RNF166: variants seen among roughly 807,000 people sequenced by gnomAD.
RNF166 encodes the protein E3 ubiquitin-protein ligase RNF166.
A neutral mutation model predicts 29.4 loss-of-function variants in RNF166; 19 were observed. The ratio of observed to expected loss-of-function variants is 0.65; its 90% CI spans 0.45 to 0.95. The LOEUF is 0.95. Among genes scored for constraint, RNF166 ranks in the 40% least tolerant of loss-of-function variants. The probability of loss-of-function intolerance (pLI) is 0.00; values close to 1 mark genes in which losing one functional copy is unlikely to be tolerated. For synonymous variants in RNF166, 171 were observed against 134.5 expected (o/e 1.27, Z -1.88); for missense variants, 347 against 322.1 (o/e 1.08, Z -0.59).
chr16:88,704,289 A>G, intron 1 of RNF166: 1 of 985,470 alleles, frequency 1.0e-6, no homozygotes, highest in African/African-American at 1.7e-5. Context: ...ACAGCCAGAA[A>G]ACAAAAGCCA....
At chr16:88,704,473 G>A in intron 1 of RNF166, 2 of 985,372 alleles carry the variant, frequency 2.0e-6, no homozygotes, top group Non-Finnish European at 2.4e-6. Flanking sequence ...CTGTGTTATG[G>A]AAACTACATT....
chr16:88,697,709 C>T (rs1021763192), intron 5 of RNF166, 76 bp from the exon 6 acceptor site: 2 of 1,075,770 alleles, frequency 1.9e-6, no homozygotes, highest in South Asian at 1.4e-5. Flanking sequence ...ATCACCCACA[C>T]AGGCGTGTCC....
Position 88,699,103 on chromosome 16 carries a change from G to T in RNF166, c.426-18C>A, listed in dbSNP as rs374108814. ...GGATGTTGCTGGCGGGGCGGGGGTAGAGTGAGTGGCACGGCTAGGTGTCTA... is the reference window on the plus strand; with the variant it reads ...GGATGTTGCTGGCGGGGCGGGGGTATAGTGAGTGGCACGGCTAGGTGTCTA... On this transcript the variant is annotated intron_variant, in intron 3 of 5. Transcript: ENST00000312838. 1.0e-5 allele frequency: 16 copies of T among 1,537,446 alleles called. No individual in the cohort carries two copies. The highest frequency in any genetic ancestry group is 1.4e-5 in the African/African-American group (1 of 73,706).
intron 5 of RNF166, 98 bp from the exon 6 acceptor site, chr16:88,697,731 C>A: frequency 1.1e-6 from 1 of 870,510 alleles, no homozygotes; most frequent in Non-Finnish European, 1.9e-6. Context: ...CCCTTCCTGC[C>A]TCCCTCCAGC....
intron 1 of RNF166, among the ~76,000 whole-genome samples, chr16:88,704,663 A>C (rs1256427648): frequency 6.6e-6 from 1 of 152,024 alleles, no homozygotes; most frequent in Non-Finnish European, 1.5e-5. Flanking sequence ...GAAGGTGCGG[A>C]ACACACCTTC....
intron 1 of RNF166, among the ~76,000 whole-genome samples, chr16:88,704,961 G>C (rs758725595): frequency 7.9e-5 from 12 of 152,248 alleles, no homozygotes; most frequent in Non-Finnish European, 1.6e-4. Context: ...CTGCACTCCA[G>C]GCTGGGTGAC....
At chr16:88,702,773 C>T in intron 1 of RNF166, 1 of 985,476 alleles carries the variant, frequency 1.0e-6, no homozygotes, top group Non-Finnish European at 1.2e-6. Context: ...CTTTACCCAC[C>T]TCACCCGAGT....
chr16:88,704,463 CTG>C (rs1360880919), intron 1 of RNF166: 3 of 985,250 alleles, frequency 3.0e-6, no homozygotes, highest in African/African-American at 1.7e-5. Context: ...GTTCTGCATT[CTG>C]TGTTATGGAA....
chr16:88,700,485 A>G, intron 2 of RNF166: 3 of 500,436 alleles, frequency 6.0e-6, no homozygotes, highest in Non-Finnish European at 5.2e-6. Flanking sequence ...TCTGGAGTCC[A>G]GGGCAGCCCC....
chr16:88,698,773 G>C (rs942586061), intron 4 of RNF166, among the ~76,000 whole-genome samples, 164 bp from the exon 5 acceptor site: 9 of 151,992 alleles, frequency 5.9e-5, no homozygotes, highest in African/African-American at 2.2e-4. Context: ...TATTCAGTGC[G>C]CGTCACCCTG....
intron 1 of RNF166, chr16:88,702,859 C>T: frequency 2.0e-6 from 2 of 985,514 alleles, no homozygotes; most frequent in African/African-American, 1.7e-5. Context: ...GGGGGGGCCG[C>T]CTACTTCACC....
At chr16:88,702,987 G>C (rs566641974) in intron 1 of RNF166, 1 of 985,576 alleles carries the variant, frequency 1.0e-6, no homozygotes. Flanking sequence ...GTCGGTAAAC[G>C]GATGAAGAGA....
At chr16:88,703,457 G>A (rs1482570656) in intron 1 of RNF166, 1 of 985,502 alleles carries the variant, frequency 1.0e-6, no homozygotes, top group Non-Finnish European at 1.2e-6. Context: ...GTCCTCCCCG[G>A]AAGGACTCAG....
chr16:88,704,302 A>C, intron 1 of RNF166: 1 of 985,476 alleles, frequency 1.0e-6, no homozygotes, highest in South Asian at 4.7e-5. Flanking sequence ...AAAAGCCAGC[A>C]GGAAAAGTCG....
rs1367415876 is a variant in RNF166, at chr16:88,706,340, C to G, written c.-15G>C. On this transcript the variant is annotated 5_prime_UTR_variant, in exon 1 of 6. Transcript: ENST00000312838. The stretch of plus-strand genomic sequence containing the variant: ...AACATAGCCATCCCGGGGCCAGGCC[C>G]GCGCCGCCCGCCGCCCGCTGTCCTG... 1.2e-5 allele frequency: 14 copies of G among 1,210,004 alleles called. No individual in the cohort carries two copies. The East Asian group carries it at 1.4e-4, about 12-fold the overall frequency. 75.0% of individuals were successfully genotyped at this position (1,210,004 alleles called of 1,614,324 possible). A position where few individuals can be genotyped will look rare whatever the true frequency, so the allele number is the denominator to read the frequency against.
chr16:88,699,431 C>T (rs1255622561), intron 3 of RNF166, among the ~76,000 whole-genome samples, 189 bp downstream of exon 3: 1 of 152,352 alleles, frequency 6.6e-6, no homozygotes, highest in East Asian at 1.9e-4. Flanking sequence ...CCCCAGGGGG[C>T]CTGGTGGGTA....
chr16:88,698,765 TTCAGTG>T (rs1353452643), intron 4 of RNF166, among the ~76,000 whole-genome samples, 156 bp from the exon 5 acceptor site: 1 of 151,990 alleles, frequency 6.6e-6, no homozygotes, highest in African/African-American at 2.4e-5. Context: ...AAGCGAGTTA[TTCAGTG>T]CGCGTCACCC....
intron 1 of RNF166, among the ~76,000 whole-genome samples, chr16:88,705,668 A>G (rs1910714223): frequency 6.6e-6 from 1 of 152,266 alleles, no homozygotes; most frequent in African/African-American, 2.4e-5. Context: ...AACTAAGAAC[A>G]TCAGACTCCA....
intron 1 of RNF166, among the ~76,000 whole-genome samples, chr16:88,705,249 CA>C (rs1910663598): frequency 6.6e-6 from 1 of 152,232 alleles, no homozygotes; most frequent in African/African-American, 2.4e-5. Flanking sequence ...CCCCTGAAGT[CA>C]GCTGACTTTG....
Sources: gnomAD v4.1 joint callset for allele counts (sites outside exome capture counted in the v4.1 genomes callset) on GRCh38, gnomAD v4.1.1 for gene constraint, MANE v1.5 for transcripts, NCBI Gene and HGNC (gene_info 2026-07-23, HGNC 2026-07-21) for gene names.